The following MRGBP variants were observed in gnomAD, a reference collection of about 807,000 sequenced individuals.
MRGBP encodes the protein MRG domain binding protein.
A neutral mutation model predicts 21.5 loss-of-function variants in MRGBP; 5 were observed. The ratio of observed to expected loss-of-function variants is 0.23; its 90% CI spans 0.12 to 0.49. The LOEUF (loss-of-function observed/expected upper bound fraction) is 0.49. MRGBP is among the 20% of genes least tolerant of loss of function. The pLI, the probability that MRGBP is intolerant of heterozygous loss-of-function variation, is 0.98. For missense variants in MRGBP, 227 were observed against 277.4 expected, an observed-to-expected ratio of 0.82 and a Z score of 1.29; for synonymous variants, 118 against 104.4, an observed-to-expected ratio of 1.13 and a Z score of -0.79.
At chr20:62,799,371 T>G in intron 4 of MRGBP, 85 bp from the exon 5 acceptor site, 1 of 1,408,886 alleles carries the variant, frequency 7.1e-7, no homozygotes, top group South Asian at 1.4e-5. Context: ...CACGTGTCAG[T>G]ATGCAGATTT....
chr20:62,801,657 C>T lies in MRGBP; in HGVS notation c.*2014C>T, dbSNP rs1482961326. On this transcript the variant is annotated 3_prime_UTR_variant, in exon 5 of 5. Coordinates refer to ENST00000370487, the MANE Select transcript of MRGBP (RefSeq NM_018270.6). ...ACCCAGGCTCACTGTCCTAAACCTC[C>T]ATCTGAAACCGCATCTCGGGTGACC... 3 of 152,282 alleles carry T rather than the reference C, an allele frequency of 2.0e-5. No individual in the cohort carries two copies. Among genetic ancestry groups the T allele is most frequent in the South Asian group, 2.1e-4 (1 of 4,830 alleles). 9.4% of individuals were successfully genotyped at this position (152,282 alleles called of 1,614,324 possible).
At position 62,801,232 on chromosome 20, in the gene MRGBP, GCA is replaced by G. The variant is rs1990455618; in HGVS notation, c.*1590_*1591del. On this transcript the variant is annotated 3_prime_UTR_variant, in exon 5 of 5. Coordinates refer to ENST00000370487, the MANE Select transcript of MRGBP (RefSeq NM_018270.6). ...GCCTGAGCTGTATTCCAAGGGTAGA[GCA>G]GCTGCCTGGGGGGACCCTGTGGGTC... The G allele has an allele frequency of 2.0e-5, 3 of 152,356 alleles. No homozygotes were observed. In the East Asian group the frequency reaches 5.8e-4, roughly 29 times the overall value. 9.4% of individuals were successfully genotyped at this position (152,356 alleles called of 1,614,324 possible).
intron 1 of MRGBP, 132 bp from the exon 2 acceptor site, chr20:62,796,978 C>T (rs1284621265): frequency 4.4e-6 from 2 of 457,852 alleles, no homozygotes; most frequent in Non-Finnish European, 6.6e-6. Flanking sequence ...CCCCCCACAG[C>T]CCCTCCACAC....
At chr20:62,797,441 C>T (rs745904493) in intron 2 of MRGBP, among the ~76,000 whole-genome samples, 6 of 152,140 alleles carry the variant, frequency 3.9e-5, no homozygotes, top group Non-Finnish European at 7.4e-5. Context: ...CTGCTGGGGT[C>T]CCCTGGGCAG....
chr20:62,800,922 G>A lies in MRGBP; in HGVS notation c.*1279G>A, dbSNP rs1294388094. On this transcript the variant is annotated 3_prime_UTR_variant, in exon 5 of 5. Transcript: ENST00000370487. The stretch of plus-strand genomic sequence containing the variant: ...GAGTGAAATCCAGCGTTCCGTGTGC[G>A]GACGAGGAGACAAGCTGTCCTGGCC... 1 of 152,148 alleles carries A rather than the reference G, an allele frequency of 6.6e-6. No individual in the cohort carries two copies. The highest frequency in any genetic ancestry group is 1.5e-5 in the Non-Finnish European group (1 of 68,028). The allele number at this position is 152,148 out of a possible 1,614,324, so 9.4% of individuals were successfully genotyped here. A position where few individuals can be genotyped will look rare whatever the true frequency, so the allele number is the denominator to read the frequency against.
chr20:62,796,803 C>A, intron 1 of MRGBP, 132 bp downstream of exon 1: 1 of 936,356 alleles, frequency 1.1e-6, no homozygotes, highest in Non-Finnish European at 1.3e-6. Flanking sequence ...CCGCCACACC[C>A]GTCCCGGGAC....
chr20:62,797,351 A>T, intron 2 of MRGBP, 120 bp downstream of exon 2: 1 of 1,326,252 alleles, frequency 7.5e-7, no homozygotes. Flanking sequence ...TGCTGGGCAG[A>T]GTAGAGGCCC....
chr20:62,798,997 G>A lies in MRGBP; in HGVS notation c.375G>A (p.Glu125=), dbSNP rs868700569. The A allele has an allele frequency of 6.2e-7, 1 of 1,613,762 alleles. No homozygotes were observed. The change falls in exon 4 of 5, where the codon GAG becomes GAA. Residue 125 remains glutamate, a synonymous_variant. Coordinates refer to ENST00000370487, the MANE Select transcript of MRGBP (RefSeq NM_018270.6). ...VREGKVMIEE[E]MKEEMKEDVD... is the part of the protein sequence containing the mutation. ...CAGGAAAAGTGATGATAGAAGAGGA[G>A]ATGAAAGAGGAGATGAAGGAAGACG...
Position 62,799,843 on chromosome 20 carries a change from G to C in MRGBP, c.*200G>C. On this transcript the variant is annotated 3_prime_UTR_variant, in exon 5 of 5. Transcript: ENST00000370487. ...TGTCAGTTGGACCATGTGGGACCCTGATGGACCTGAAAGACCAGGATCGGT... is the reference window on the plus strand; with the variant it reads ...TGTCAGTTGGACCATGTGGGACCCTCATGGACCTGAAAGACCAGGATCGGT... The C allele has an allele frequency of 1.7e-6, 1 of 584,768 alleles. No individual in the cohort carries two copies. The highest frequency in any genetic ancestry group is 3.0e-6 in the Non-Finnish European group (1 of 337,106). 36.2% of individuals were successfully genotyped at this position (584,768 alleles called of 1,614,324 possible).
intron 3 of MRGBP, 150 bp from the exon 4 acceptor site, chr20:62,798,825 G>A: frequency 6.4e-7 from 1 of 1,570,956 alleles, no homozygotes; most frequent in Non-Finnish European, 8.6e-7. Flanking sequence ...GAACCTCCGG[G>A]ATTGGAGAGG....
rs756019296 is a variant in MRGBP, at chr20:62,799,569, C to T, written c.541C>T (p.Arg181Trp). The stretch of plus-strand genomic sequence containing the variant: ...AGGCGCAGACAAGCGGAAGCGCAGC[C>T]GGGTCACCGACAAAGTCCTGACCGC... The part of the protein sequence containing the change: ...KEGADKRKRS[R>W]VTDKVLTANS... The change falls in exon 5 of 5, where the codon CGG (arginine) becomes TGG (tryptophan). Residue 181 changes from arginine to tryptophan, a missense_variant. Arg to Trp is a moderately radical substitution (Grantham distance 101). Around this residue, in one of 2 missense-constraint regions of MRGBP, gnomAD observed 162 missense variants for 227.7 expected, o/e 0.71. Coordinates refer to ENST00000370487, the MANE Select transcript of MRGBP (RefSeq NM_018270.6). The T allele has an allele frequency of 3.1e-6, 5 of 1,613,780 alleles. No homozygotes were observed. The highest frequency in any genetic ancestry group is 2.2e-5 in the East Asian group (1 of 44,882).
In MRGBP at chr20:62,801,655, T is replaced by TC; in HGVS notation, c.*2014dup. 6.6e-6 allele frequency: 1 copy of TC among 152,266 alleles called. No individual in the cohort carries two copies. Among genetic ancestry groups the TC allele is most frequent in the Non-Finnish European group, 1.5e-5 (1 of 68,024 alleles). 9.4% of individuals were successfully genotyped at this position (152,266 alleles called of 1,614,324 possible). On this transcript the variant is annotated 3_prime_UTR_variant, in exon 5 of 5. Coordinates refer to ENST00000370487, the MANE Select transcript of MRGBP (RefSeq NM_018270.6). The stretch of plus-strand genomic sequence containing the variant: ...CCACCCAGGCTCACTGTCCTAAACC[T>TC]CCATCTGAAACCGCATCTCGGGTGA...
chr20:62,798,399 C>T (rs1312105989), intron 2 of MRGBP, among the ~76,000 whole-genome samples, 188 bp from the exon 3 acceptor site: 1 of 152,192 alleles, frequency 6.6e-6, no homozygotes, highest in Non-Finnish European at 1.5e-5. Flanking sequence ...CTGGAAAGCC[C>T]AGCTGTGGCA....
At chr20:62,799,349 G>T in intron 4 of MRGBP, 107 bp from the exon 5 acceptor site, 3 of 1,247,262 alleles carry the variant, frequency 2.4e-6, no homozygotes, top group Non-Finnish European at 2.2e-6. Flanking sequence ...GGAAGCTTTG[G>T]GTTCAGAGGG....
intron 2 of MRGBP, among the ~76,000 whole-genome samples, chr20:62,798,241 A>C (rs948096511): frequency 5.3e-5 from 8 of 151,980 alleles, no homozygotes; most frequent in African/African-American, 1.9e-4. Context: ...TCATGGTGAG[A>C]CTGCAGGCCG....
In MRGBP at chr20:62,800,942, C is replaced by G. The variant is rs1253562072; in HGVS notation, c.*1299C>G. ...TGTGCGGACGAGGAGACAAGCTGTC[C>G]TGGCCAGCCATCGCACCCCAATGTC... On this transcript the variant is annotated 3_prime_UTR_variant, in exon 5 of 5. Coordinates refer to ENST00000370487, the MANE Select transcript of MRGBP (RefSeq NM_018270.6). The G allele has an allele frequency of 6.6e-6, 1 of 152,176 alleles. No homozygotes were observed. The highest frequency in any genetic ancestry group is 2.4e-5 in the African/African-American group (1 of 41,438). The allele number at this position is 152,176 out of a possible 1,614,324, so 9.4% of individuals were successfully genotyped here. A position where few individuals can be genotyped will look rare whatever the true frequency, so the allele number is the denominator to read the frequency against.
At position 62,799,844 on chromosome 20, in the gene MRGBP, A is replaced by T; in HGVS notation, c.*201A>T. 1.7e-6 allele frequency: 1 copy of T among 582,204 alleles called. No individual in the cohort carries two copies. The highest frequency in any genetic ancestry group is 3.0e-6 in the Non-Finnish European group (1 of 335,192). The allele number at this position is 582,204 out of a possible 1,614,324, so 36.1% of individuals were successfully genotyped here. Reference sequence around the variant, plus strand: ...GTCAGTTGGACCATGTGGGACCCTGATGGACCTGAAAGACCAGGATCGGTC... The same window carrying T: ...GTCAGTTGGACCATGTGGGACCCTGTTGGACCTGAAAGACCAGGATCGGTC... On this transcript the variant is annotated 3_prime_UTR_variant, in exon 5 of 5. Coordinates refer to ENST00000370487, the MANE Select transcript of MRGBP (RefSeq NM_018270.6).
At position 62,800,317 on chromosome 20, in the gene MRGBP, A is replaced by G. The variant is rs1194225477; in HGVS notation, c.*674A>G. 1.3e-5 allele frequency: 2 copies of G among 152,592 alleles called. No homozygotes were observed. The highest frequency in any genetic ancestry group is 4.8e-5 in the African/African-American group (2 of 41,456). 9.5% of individuals were successfully genotyped at this position (152,592 alleles called of 1,614,324 possible). On this transcript the variant is annotated 3_prime_UTR_variant, in exon 5 of 5. Transcript: ENST00000370487. The stretch of plus-strand genomic sequence containing the variant: ...TAATTTTTAAGAAGCCTATTTTACT[A>G]GTGTTTTATATGAACAAAGTACTGC...
rs966253329 is a variant in MRGBP, at chr20:62,796,512, C to T, written c.-12C>T. On this transcript the variant is annotated 5_prime_UTR_variant, in exon 1 of 5. Coordinates refer to ENST00000370487, the MANE Select transcript of MRGBP (RefSeq NM_018270.6). ...TCCCGCCGGGGGCTCCTTGCTCGGCCGGGCCGCGGCCATGGGAGAGGCCGA... is the reference window on the plus strand; with the variant it reads ...TCCCGCCGGGGGCTCCTTGCTCGGCTGGGCCGCGGCCATGGGAGAGGCCGA... 5.3e-6 allele frequency: 6 copies of T among 1,141,578 alleles called. No homozygotes were observed. Among genetic ancestry groups the T allele is most frequent in the African/African-American group, 3.3e-5 (2 of 60,934 alleles). The allele number at this position is 1,141,578 out of a possible 1,614,324, so 70.7% of individuals were successfully genotyped here.
Sources: allele counts gnomAD v4.1 joint callset (sites outside exome capture counted in the v4.1 genomes callset), GRCh38; gene constraint gnomAD v4.1.1; regional missense constraint gnomAD v4.1.1; transcripts MANE v1.5; gene names NCBI Gene and HGNC (gene_info 2026-07-23, HGNC 2026-07-21).